ROBO1: variants seen among roughly 807,000 people sequenced by gnomAD.
ROBO1 encodes roundabout homolog 1.
ROBO1 carries 149 observed loss-of-function variants against 195.9 expected under a neutral mutation model. That is an observed-to-expected ratio of 0.76 (90% CI 0.67 to 0.87). The LOEUF is 0.87. ROBO1 is among the 40% of genes least tolerant of loss of function. ROBO1 has a pLI of 0.00. For synonymous variants in ROBO1, 816 were observed against 733.2 expected, an observed-to-expected ratio of 1.11 and a Z score of -1.82; for missense variants, 1,933 against 2,068.3, an observed-to-expected ratio of 0.93 and a Z score of 1.27.
intron 5 of ROBO1, among the ~76,000 whole-genome samples, chr3:78,738,780 C>T (rs2082453857): frequency 6.6e-6 from 1 of 152,134 alleles, no homozygotes; most frequent in African/African-American, 2.4e-5. Context: ...CTAAAGCATA[C>T]TGATGCTGTA....
chr3:79,047,355 A>G (rs1447897327), intron 3 of ROBO1, among the ~76,000 whole-genome samples: 1 of 151,984 alleles, frequency 6.6e-6, no homozygotes, highest in East Asian at 1.9e-4. Flanking sequence ...AATGAGATAT[A>G]TTGAAGGAAG....
chr3:79,524,617 A>G (rs531607191), intron 2 of ROBO1, among the ~76,000 whole-genome samples: 16 of 152,264 alleles, frequency 1.1e-4, no homozygotes, highest in Admixed American at 2.0e-4. Context: ...AAACAACTCC[A>G]AACTTATATT....
At chr3:79,746,854 G>A (rs1703899568) in intron 1 of ROBO1, among the ~76,000 whole-genome samples, 1 of 152,010 alleles carries the variant, frequency 6.6e-6, no homozygotes, top group African/African-American at 2.4e-5. Context: ...AGACTTGGCT[G>A]ATAATTATAA....
At chr3:79,221,592 A>G (rs2082140194) in intron 2 of ROBO1, among the ~76,000 whole-genome samples, 2 of 152,178 alleles carry the variant, frequency 1.3e-5, no homozygotes, top group African/African-American at 4.8e-5. Context: ...TTTAAAAGGT[A>G]TATTTAAATT....
intron 4 of ROBO1, among the ~76,000 whole-genome samples, chr3:78,892,627 A>C (rs2036973096): frequency 1.3e-5 from 2 of 152,186 alleles, no homozygotes; most frequent in Non-Finnish European, 2.9e-5. Flanking sequence ...AGAGTTCCAA[A>C]TGAAAGGCTA....
intron 3 of ROBO1, among the ~76,000 whole-genome samples, chr3:79,124,338 T>A (rs1265087377): frequency 6.6e-6 from 1 of 152,122 alleles, no homozygotes; most frequent in African/African-American, 2.4e-5. Flanking sequence ...AAAGGTCTTA[T>A]TAACTGTACT....
intron 2 of ROBO1, among the ~76,000 whole-genome samples, chr3:79,465,850 G>T (rs1575863741): frequency 6.6e-6 from 1 of 151,866 alleles, no homozygotes; most frequent in Non-Finnish European, 1.5e-5. Context: ...TCATTTAAAG[G>T]TTTATCTTTT....
chr3:79,691,487 C>T (rs1259112932), intron 1 of ROBO1, among the ~76,000 whole-genome samples: 1 of 151,172 alleles, frequency 6.6e-6, no homozygotes, highest in Non-Finnish European at 1.5e-5. Context: ...TATGTTTAGC[C>T]ATGAGATATA....
chr3:79,526,846 C>G (rs1941453593), intron 2 of ROBO1, among the ~76,000 whole-genome samples: 1 of 152,080 alleles, frequency 6.6e-6, no homozygotes, highest in South Asian at 2.1e-4. Flanking sequence ...TAAATAAAAT[C>G]AGTTGTTAAT....
intron 1 of ROBO1, among the ~76,000 whole-genome samples, chr3:79,703,725 G>T (rs1277187350): frequency 6.6e-6 from 1 of 151,842 alleles, no homozygotes; most frequent in Non-Finnish European, 1.5e-5. Flanking sequence ...CCAATGCTTA[G>T]AGAAACAAAA....
intron 28 of ROBO1, 92 bp from the exon 29 acceptor site, chr3:78,607,133 C>G (rs985928951): frequency 4.1e-6 from 5 of 1,208,434 alleles, no homozygotes; most frequent in Non-Finnish European, 4.6e-6. Flanking sequence ...CATTCACCTA[C>G]GAGATACTAT....
intron 4 of ROBO1, among the ~76,000 whole-genome samples, chr3:78,773,007 AG>A (rs1451973496): frequency 3.9e-5 from 6 of 152,254 alleles, no homozygotes; most frequent in Admixed American, 2.6e-4. Flanking sequence ...ACATCATTAT[AG>A]TACCACATAA....
intron 3 of ROBO1, among the ~76,000 whole-genome samples, chr3:78,971,617 T>C (rs2076768173): frequency 6.6e-6 from 1 of 152,232 alleles, no homozygotes; most frequent in Non-Finnish European, 1.5e-5. Context: ...AACCCTGATA[T>C]ACCTCTAACC....
At chr3:79,562,684 AAAC>A (rs1942963184) in intron 2 of ROBO1, among the ~76,000 whole-genome samples, 1 of 152,090 alleles carries the variant, frequency 6.6e-6, no homozygotes, top group Non-Finnish European at 1.5e-5. Flanking sequence ...CATAAAATCA[AAAC>A]AACAACCTGC....
chr3:79,440,599 C>T (rs564460472), intron 2 of ROBO1, among the ~76,000 whole-genome samples: 2 of 152,084 alleles, frequency 1.3e-5, no homozygotes, highest in Admixed American at 6.6e-5. Context: ...TGTGTGTTCC[C>T]TATGCGCACT....
At chr3:79,379,542 C>T (rs1224090045) in intron 2 of ROBO1, among the ~76,000 whole-genome samples, 2 of 152,190 alleles carry the variant, frequency 1.3e-5, no homozygotes, top group African/African-American at 2.4e-5. Context: ...TCAATTGGAT[C>T]ACGTTAATAT....
rs570490352 is a variant in ROBO1, at chr3:78,620,333, G to A, written c.3876-2292C>T. Among the ~76,000 whole-genome samples the A allele has an allele frequency of 2.1e-3, 317 of 151,888 alleles. 5 individuals carry two copies. The highest frequency in any genetic ancestry group is 7.2e-3 in the African/African-American group (299 of 41,438). ...TCAAGACCAGCCTGGCCAACACGGC[G>A]AAACCCCGTCTCTACTAAAAATACA... On this transcript the variant is annotated intron_variant, in intron 26 of 30. Coordinates refer to ENST00000464233, the MANE Select transcript of ROBO1 (RefSeq NM_002941.4).
At chr3:79,637,445 C>A (rs2108052763) in intron 1 of ROBO1, among the ~76,000 whole-genome samples, 2 of 134,182 alleles carry the variant, frequency 1.5e-5, no homozygotes, top group Admixed American at 1.5e-4. Context: ...GAGTAAAACT[C>A]ACGTTTGATT....
intron 3 of ROBO1, among the ~76,000 whole-genome samples, chr3:78,997,091 A>G (rs746187764): frequency 3.3e-5 from 5 of 152,198 alleles, no homozygotes; most frequent in Non-Finnish European, 7.4e-5. Flanking sequence ...AACATCCTAC[A>G]ATGCATAGGA....
Sources: allele counts gnomAD v4.1 joint callset (sites outside exome capture counted in the v4.1 genomes callset), GRCh38; gene constraint gnomAD v4.1.1; transcripts MANE v1.5; gene names NCBI Gene and HGNC (gene_info 2026-07-23, HGNC 2026-07-21).